The following SFMBT2 variants were observed in gnomAD, a reference collection of about 807,000 sequenced individuals.
SFMBT2 encodes the protein scm-like with four MBT domains protein 2.
Under a neutral mutation model 110.1 loss-of-function variants are expected in SFMBT2, and 38 were observed. The observed-to-expected ratio is 0.35, with a 90% CI of 0.27 to 0.45. SFMBT2 has a LOEUF of 0.45. Ranked by LOEUF, SFMBT2 falls within the 20% of genes least tolerant of loss-of-function variation. The pLI is 1.00. For missense variants in SFMBT2, 1,011 were observed against 1,094.9 expected, an observed-to-expected ratio of 0.92 and a Z score of 1.08; for synonymous variants, 425 against 425.4, an observed-to-expected ratio of 1.00 and a Z score of 0.01.
At chr10:7,339,604 A>T (rs138422825) in intron 4 of SFMBT2, among the ~76,000 whole-genome samples, 1 of 152,168 alleles carries the variant, frequency 6.6e-6, no homozygotes, top group African/African-American at 2.4e-5. Context: ...CCTAAGCCTT[A>T]TATCTTACTC....
intron 7 of SFMBT2, among the ~76,000 whole-genome samples, chr10:7,257,454 T>C (rs1841061906): frequency 6.6e-6 from 1 of 152,144 alleles, no homozygotes; most frequent in Non-Finnish European, 1.5e-5. Flanking sequence ...CCTGCCTGGA[T>C]ATAGTCATCA....
intron 4 of SFMBT2, among the ~76,000 whole-genome samples, chr10:7,336,147 C>T (rs531783338): frequency 1.4e-4 from 22 of 152,266 alleles, no homozygotes; most frequent in Middle Eastern, 3.4e-3. Flanking sequence ...AGTAATAAAA[C>T]GCTGTAAAAT....
intron 10 of SFMBT2, among the ~76,000 whole-genome samples, chr10:7,221,515 G>A (rs1176698554): frequency 1.3e-5 from 2 of 150,846 alleles, no homozygotes; most frequent in Admixed American, 6.6e-5. Context: ...GCAGTGAGCT[G>A]AGATCTCGCC....
intron 4 of SFMBT2, among the ~76,000 whole-genome samples, chr10:7,365,950 G>C (rs1270224229): frequency 6.6e-6 from 1 of 152,172 alleles, no homozygotes; most frequent in Non-Finnish European, 1.5e-5. Context: ...TTAAAGTGGT[G>C]AGTTTTATGG....
intron 1 of SFMBT2, among the ~76,000 whole-genome samples, chr10:7,382,247 T>C (rs1845447437): frequency 6.6e-6 from 1 of 151,958 alleles, no homozygotes; most frequent in South Asian, 2.1e-4. Context: ...CTGTCTCTAC[T>C]GAAAATACAA....
chr10:7,395,991 T>C (rs1268446362), intron 1 of SFMBT2, among the ~76,000 whole-genome samples: 1 of 151,936 alleles, frequency 6.6e-6, no homozygotes, highest in Non-Finnish European at 1.5e-5. Context: ...TCCCAGCACT[T>C]TGGGAGGCTA....
At chr10:7,291,207 G>A (rs1325875057) in intron 4 of SFMBT2, among the ~76,000 whole-genome samples, 1 of 152,168 alleles carries the variant, frequency 6.6e-6, no homozygotes, top group African/African-American at 2.4e-5. Context: ...TGAGAGATGG[G>A]GAGAGTAATT....
At chr10:7,316,744 A>T (rs1258014590) in intron 4 of SFMBT2, among the ~76,000 whole-genome samples, 1 of 152,160 alleles carries the variant, frequency 6.6e-6, no homozygotes, top group Non-Finnish European at 1.5e-5. Flanking sequence ...ATGGTCTAGC[A>T]TGCCTGCTCA....
intron 7 of SFMBT2, among the ~76,000 whole-genome samples, chr10:7,264,378 G>A (rs929390284): frequency 5.3e-5 from 8 of 152,066 alleles, no homozygotes; most frequent in Admixed American, 1.3e-4. Context: ...TGTCAAAGAC[G>A]ACAGAGACTG....
At chr10:7,247,707 T>A (rs1219016425) in intron 8 of SFMBT2, among the ~76,000 whole-genome samples, 1 of 152,248 alleles carries the variant, frequency 6.6e-6, no homozygotes, top group African/African-American at 2.4e-5. Context: ...TAAATTCTCC[T>A]AGTGAAGTAC....
chr10:7,384,751 A>G (rs1685376923), intron 1 of SFMBT2, among the ~76,000 whole-genome samples: 1 of 152,198 alleles, frequency 6.6e-6, no homozygotes, highest in African/African-American at 2.4e-5. Context: ...GTTTGCTAAA[A>G]GAACCCTCCG....
chr10:7,204,461 G>A, intron 12 of SFMBT2: 1 of 984,612 alleles, frequency 1.0e-6, no homozygotes, highest in Non-Finnish European at 1.2e-6. Flanking sequence ...TATCTCTAAG[G>A]ACTCATCATT....
chr10:7,257,409 C>T (rs1476584165), intron 7 of SFMBT2, among the ~76,000 whole-genome samples: 1 of 152,152 alleles, frequency 6.6e-6, no homozygotes, highest in African/African-American at 2.4e-5. Flanking sequence ...GCACCTGATT[C>T]AGGAGGAGTG....
At chr10:7,338,793 C>G (rs545606544) in intron 4 of SFMBT2, among the ~76,000 whole-genome samples, 6 of 152,172 alleles carry the variant, frequency 3.9e-5, no homozygotes, top group Non-Finnish European at 7.3e-5. Context: ...TCCCCATTCC[C>G]CAGCGGACAC....
intron 7 of SFMBT2, among the ~76,000 whole-genome samples, chr10:7,276,247 C>G (rs12243774): frequency 6.6e-6 from 1 of 152,098 alleles, no homozygotes; most frequent in Admixed American, 6.5e-5. Flanking sequence ...TGAACCACCA[C>G]GAGATGAGTC....
chr10:7,285,976 AAAAAC>A (rs749631320), intron 4 of SFMBT2, 22 bp from the exon 5 acceptor site: 1 of 865,024 alleles, frequency 1.2e-6, no homozygotes, highest in South Asian at 1.3e-5. Context: ...AAGGAGAAAG[AAAAAC>A]AAAACAAAAC....
At chr10:7,208,271 C>T (rs1839215691) in intron 11 of SFMBT2, among the ~76,000 whole-genome samples, 1 of 152,058 alleles carries the variant, frequency 6.6e-6, no homozygotes, top group Admixed American at 6.5e-5. Context: ...TCATTTTCTC[C>T]TCCGCAGACC....
chr10:7,245,277 T>C (rs995333937), intron 8 of SFMBT2, among the ~76,000 whole-genome samples: 11 of 152,202 alleles, frequency 7.2e-5, no homozygotes, highest in Non-Finnish European at 8.8e-5. Context: ...AATGGGAACA[T>C]TGTCCAGAAT....
In SFMBT2 at chr10:7,171,593, GA is replaced by G. The variant is rs955837658; in HGVS notation, c.2415+301del. 1 of 984,838 alleles carries G rather than the reference GA, an allele frequency of 1.0e-6. No individual in the cohort carries two copies. The highest frequency in any genetic ancestry group is 1.7e-5 in the African/African-American group (1 of 57,230). The allele number at this position is 984,838 out of a possible 1,614,324, so 61.0% of individuals were successfully genotyped here. On this transcript the variant is annotated intron_variant, in intron 19 of 20. Transcript: ENST00000397167. This position sits in a 1 kb window ranked among gnomAD's most constrained non-coding sequence, Gnocchi z 4.9. ...GGGAGATGCGGGGAAGGAATTTCTG[GA>G]AACCCAGACTTCAAAGGAAACTGAG...
Sources: allele counts gnomAD v4.1 joint callset (sites outside exome capture counted in the v4.1 genomes callset), GRCh38; gene constraint gnomAD v4.1.1; non-coding constraint Gnocchi (gnomAD v3.1); transcripts MANE v1.5; gene names NCBI Gene and HGNC (gene_info 2026-07-23, HGNC 2026-07-21).